The following NDNF variants were observed in gnomAD, a reference collection of about 807,000 sequenced individuals.
The protein encoded by NDNF is neuron derived neurotrophic factor.
Under a neutral mutation model 42.0 loss-of-function variants are expected in NDNF, and 16 were observed. That is an observed-to-expected ratio of 0.38 (90% CI 0.26 to 0.58). The LOEUF is 0.58. NDNF is among the 20% of genes least tolerant of loss of function. NDNF has a pLI of 0.67. For missense variants in NDNF, 616 were observed against 666.2 expected (o/e 0.92, Z 0.83); for synonymous variants, 248 against 251.7 (o/e 0.99, Z 0.14).
chr4:121,047,006 T>A (rs1727105973), intron 1 of NDNF, among the ~76,000 whole-genome samples: 1 of 152,238 alleles, frequency 6.6e-6, no homozygotes, highest in African/African-American at 2.4e-5. Flanking sequence ...AGAAATATAG[T>A]GTTTTTACAT....
At chr4:121,070,239 A>T (rs1727566960) in intron 1 of NDNF, among the ~76,000 whole-genome samples, 1 of 152,094 alleles carries the variant, frequency 6.6e-6, no homozygotes, top group Non-Finnish European at 1.5e-5. Context: ...ATGAATAATC[A>T]TACCGATCGC....
intron 1 of NDNF, among the ~76,000 whole-genome samples, chr4:121,047,166 T>C (rs1727108579): frequency 6.6e-6 from 1 of 152,260 alleles, no homozygotes; most frequent in African/African-American, 2.4e-5. Context: ...CAAAAATAGA[T>C]TCAGATTGCA....
At chr4:121,058,358 C>A (rs1297854031) in intron 1 of NDNF, among the ~76,000 whole-genome samples, 2 of 152,106 alleles carry the variant, frequency 1.3e-5, no homozygotes, top group East Asian at 3.9e-4. Flanking sequence ...GCACCTAACC[C>A]TCAAGAGTGT....
chr4:121,068,893 A>G (rs1478444566), intron 1 of NDNF, among the ~76,000 whole-genome samples: 1 of 152,200 alleles, frequency 6.6e-6, no homozygotes, highest in Non-Finnish European at 1.5e-5. Context: ...CTGCTCATCC[A>G]TCATACCAAA....
At chr4:121,066,615 A>G (rs1579323940) in intron 1 of NDNF, among the ~76,000 whole-genome samples, 1 of 152,208 alleles carries the variant, frequency 6.6e-6, no homozygotes, top group East Asian at 1.9e-4. Flanking sequence ...TAGTTCCTAC[A>G]TTATAAATTT....
At chr4:121,058,066 GC>G (rs1190663757) in intron 1 of NDNF, among the ~76,000 whole-genome samples, 1 of 152,020 alleles carries the variant, frequency 6.6e-6, no homozygotes, top group African/African-American at 2.4e-5. Flanking sequence ...TCTTCATGGG[GC>G]TTATATAACA....
intron 1 of NDNF, among the ~76,000 whole-genome samples, chr4:121,047,258 C>A (rs1727110384): frequency 1.3e-5 from 2 of 152,144 alleles, no homozygotes; most frequent in African/African-American, 4.8e-5. Flanking sequence ...CGAGCTTGTG[C>A]AAAATGCATT....
At chr4:121,049,969 G>T (rs1007345339) in intron 1 of NDNF, among the ~76,000 whole-genome samples, 3 of 152,146 alleles carry the variant, frequency 2.0e-5, no homozygotes, top group South Asian at 4.1e-4. Context: ...AACTACTGTT[G>T]GGGAAAAACT....
At chr4:121,039,898 A>G in intron 3 of NDNF, 32 bp downstream of exon 3, 1 of 1,593,564 alleles carries the variant, frequency 6.3e-7, no homozygotes, top group South Asian at 1.1e-5. Flanking sequence ...ATCCATTCAA[A>G]GGTCCAGGGG....
At chr4:121,053,060 C>G (rs1312995829) in intron 1 of NDNF, among the ~76,000 whole-genome samples, 1 of 152,118 alleles carries the variant, frequency 6.6e-6, no homozygotes, top group Non-Finnish European at 1.5e-5. Context: ...GTACAGAACT[C>G]GTGCACTAAA....
At chr4:121,040,141 T>G in intron 2 of NDNF, 87 bp from the exon 3 acceptor site, 1 of 1,185,646 alleles carries the variant, frequency 8.4e-7, no homozygotes, top group South Asian at 1.6e-5. Context: ...TTGGTTTTAA[T>G]TTTTTTTTCA....
intron 1 of NDNF, among the ~76,000 whole-genome samples, chr4:121,067,641 C>T (rs1423504907): frequency 1.3e-5 from 2 of 152,188 alleles, no homozygotes; most frequent in African/African-American, 2.4e-5. Context: ...TGTTCTGTGG[C>T]CAAATTTGTC....
intron 2 of NDNF, among the ~76,000 whole-genome samples, chr4:121,044,905 A>G (rs1293646088): frequency 6.6e-6 from 1 of 152,234 alleles, no homozygotes; most frequent in Non-Finnish European, 1.5e-5. Context: ...TGTTGAGGCT[A>G]CAATGAGCCA....
intron 1 of NDNF, among the ~76,000 whole-genome samples, chr4:121,056,210 A>G (rs930606055): frequency 6.6e-6 from 1 of 152,190 alleles, no homozygotes; most frequent in African/African-American, 2.4e-5. Flanking sequence ...GCAATGGAAT[A>G]ATCCGGAATG....
At chr4:121,068,411 G>A (rs923966825) in intron 1 of NDNF, among the ~76,000 whole-genome samples, 8 of 152,140 alleles carry the variant, frequency 5.3e-5, no homozygotes, top group Non-Finnish European at 1.0e-4. Flanking sequence ...TATCAACCAC[G>A]CTGTGGCTTC....
chr4:121,061,426 AC>A (rs2148771032), intron 1 of NDNF: 1 of 153,474 alleles, frequency 6.5e-6, no homozygotes, highest in South Asian at 2.1e-4. Context: ...AGCTGAATCA[AC>A]CCTGGCGATC....
In NDNF at chr4:121,036,257, A is replaced by T; in HGVS notation, c.*7T>A. The T allele has an allele frequency of 6.3e-7, 1 of 1,583,212 alleles. No homozygotes were observed. Among genetic ancestry groups the T allele is most frequent in the Non-Finnish European group, 8.6e-7 (1 of 1,167,686 alleles). Reference sequence around the variant, plus strand: ...GTTCTACATAATATATCTCTATAAGAAGGTAACTAACAGAACTTTCTAGTT... The same window carrying T: ...GTTCTACATAATATATCTCTATAAGTAGGTAACTAACAGAACTTTCTAGTT... On this transcript the variant is annotated 3_prime_UTR_variant, in exon 4 of 4. Transcript: ENST00000379692.
intron 1 of NDNF, among the ~76,000 whole-genome samples, chr4:121,056,657 A>G (rs901790905): frequency 9.9e-5 from 15 of 152,248 alleles, no homozygotes; most frequent in Non-Finnish European, 8.8e-5. Flanking sequence ...ATCTCAGGCC[A>G]TATGTACTAT....
At chr4:121,071,472 A>G (rs1727598586) in intron 1 of NDNF, 1 of 151,320 alleles carries the variant, frequency 6.6e-6, no homozygotes, top group Non-Finnish European at 1.5e-5. Context: ...TTTTCGCCCT[A>G]CACGCAGACG....
Sources: gnomAD v4.1 joint callset for allele counts (sites outside exome capture counted in the v4.1 genomes callset) on GRCh38, gnomAD v4.1.1 for gene constraint, MANE v1.5 for transcripts, NCBI Gene and HGNC (gene_info 2026-07-23, HGNC 2026-07-21) for gene names.